The following AZIN2 variants were observed in gnomAD, a reference collection of about 807,000 sequenced individuals.
AZIN2 encodes ODC antizyme inhibitor-2.
A neutral mutation model predicts 47.8 loss-of-function variants in AZIN2; 28 were observed. The ratio of observed to expected loss-of-function variants is 0.59; its 90% CI spans 0.43 to 0.80. AZIN2 has a LOEUF of 0.80. AZIN2 is among the 30% of genes least tolerant of loss of function. The pLI, the probability that AZIN2 is intolerant of heterozygous loss-of-function variation, is 0.00. For synonymous variants in AZIN2, 221 were observed against 239.4 expected, an observed-to-expected ratio of 0.92 and a Z score of 0.71; for missense variants, 535 against 582.5, an observed-to-expected ratio of 0.92 and a Z score of 0.84.
At chr1:33,115,490 G>T (rs1272152551) in intron 10 of AZIN2, among the ~76,000 whole-genome samples, 1 of 151,374 alleles carries the variant, frequency 6.6e-6, no homozygotes, top group Admixed American at 6.6e-5. Context: ...GATCACCTGA[G>T]GTCAGGAGTT....
the AZIN2 span, chr1:33,158,473 T>A: frequency 1.2e-6 from 1 of 841,092 alleles, no homozygotes; most frequent in South Asian, 1.5e-5. Flanking sequence ...GATGTGGTCA[T>A]GAGTGAGAAG....
chr1:33,127,625 C>A (rs774008439), downstream of AZIN2, among the ~76,000 whole-genome samples: 6 of 152,230 alleles, frequency 3.9e-5, no homozygotes, highest in Non-Finnish European at 7.3e-5. Context: ...GCATCAGCTA[C>A]TTTCGCTTCT....
chr1:33,096,026 C>T (rs531296606), intron 8 of AZIN2, among the ~76,000 whole-genome samples: 33 of 152,124 alleles, frequency 2.2e-4, no homozygotes, highest in African/African-American at 7.0e-4. Context: ...TTAGTAGAGA[C>T]GGGGTTTCAC....
chr1:33,148,194 A>G, the AZIN2 span, among the ~76,000 whole-genome samples: 3 of 152,202 alleles, frequency 2.0e-5, no homozygotes, highest in Non-Finnish European at 2.9e-5. Flanking sequence ...TGGACAGGAC[A>G]GTTCTGCAAA....
At chr1:33,129,047 G>A in the AZIN2 span, among the ~76,000 whole-genome samples, 13 of 152,126 alleles carry the variant, frequency 8.5e-5, no homozygotes, top group African/African-American at 3.1e-4. This position sits in a 1 kb window ranked among gnomAD's most constrained non-coding sequence, Gnocchi z 4.1. Flanking sequence ...AAAAGTCTGG[G>A]GAAGTTGAGG....
At chr1:33,123,968 C>G (rs1042821506), downstream of AZIN2, among the ~76,000 whole-genome samples, 1 of 151,922 alleles carries the variant, frequency 6.6e-6, no homozygotes, top group Non-Finnish European at 1.5e-5. Flanking sequence ...TACACTCCAG[C>G]CCGGATGACA....
At chr1:33,159,868 T>C in the AZIN2 span, 7 of 1,612,714 alleles carry the variant, frequency 4.3e-6, no homozygotes, top group Non-Finnish European at 8.5e-7. The surrounding 1 kb of genome is among the most constrained non-coding windows in gnomAD (Gnocchi z 4.2). Flanking sequence ...TAGCATGGCC[T>C]TCTGGCGTTC....
chr1:33,129,875 T>C, the AZIN2 span, among the ~76,000 whole-genome samples: 1 of 152,180 alleles, frequency 6.6e-6, no homozygotes, highest in South Asian at 2.1e-4. The surrounding 1 kb of genome is among the most constrained non-coding windows in gnomAD (Gnocchi z 4.1). Context: ...TTTATTTATT[T>C]TGAGACGGAG....
At chr1:33,108,118 A>G (rs866262796) in intron 10 of AZIN2, among the ~76,000 whole-genome samples, 1 of 152,210 alleles carries the variant, frequency 6.6e-6, no homozygotes, top group Non-Finnish European at 1.5e-5. Context: ...TGGTACTGGC[A>G]TAAAAACGAA....
chr1:33,125,733 C>CCCTTT (rs59708630), downstream of AZIN2, among the ~76,000 whole-genome samples: 6,832 of 151,982 alleles, frequency 0.045, 374 homozygotes, highest in African/African-American at 0.13. Context: ...TCATCACACG[C>CCCTTT]CCTTTCCTTT....
At chr1:33,159,962 C>T in the AZIN2 span, 12 of 1,595,574 alleles carry the variant, frequency 7.5e-6, no homozygotes, top group South Asian at 1.3e-4. This position sits in a 1 kb window ranked among gnomAD's most constrained non-coding sequence, Gnocchi z 4.2. Flanking sequence ...GGACAGTCGT[C>T]AGGGGTTATG....
intron 7 of AZIN2, 51 bp from the exon 8 acceptor site, chr1:33,094,497 G>A (rs770116111): frequency 6.4e-7 from 1 of 1,567,390 alleles, no homozygotes; most frequent in South Asian, 1.1e-5. Flanking sequence ...GGGCTCAGGT[G>A]GTGGCACTTG....
the AZIN2 span, among the ~76,000 whole-genome samples, chr1:33,154,021 A>G: frequency 6.6e-6 from 1 of 152,216 alleles, no homozygotes. Context: ...AAGGTTTTAT[A>G]AACTAAGATG....
At chr1:33,094,061 A>G (rs1642876118) in intron 7 of AZIN2, among the ~76,000 whole-genome samples, 2 of 152,068 alleles carry the variant, frequency 1.3e-5, no homozygotes, top group Admixed American at 1.3e-4. Context: ...AGGGATATGG[A>G]AGGAGTAATA....
intron 10 of AZIN2, among the ~76,000 whole-genome samples, chr1:33,111,063 G>A (rs1644264409): frequency 6.6e-6 from 1 of 152,224 alleles, no homozygotes; most frequent in East Asian, 1.9e-4. Flanking sequence ...AACAATCCAT[G>A]CAGCACAGAA....
the AZIN2 span, among the ~76,000 whole-genome samples, chr1:33,145,212 G>T: frequency 0.021 from 3,171 of 152,304 alleles, 92 homozygotes; most frequent in African/African-American, 0.072. Flanking sequence ...GCACTTGCCA[G>T]CATGGGATAT....
At chr1:33,117,653 T>C (rs1031387061) in intron 10 of AZIN2, among the ~76,000 whole-genome samples, 12 of 152,206 alleles carry the variant, frequency 7.9e-5, no homozygotes, top group Non-Finnish European at 1.8e-4. Flanking sequence ...ATGGAGAGAT[T>C]AAGCATTTTG....
At chr1:33,117,541 C>T (rs1235407941) in intron 10 of AZIN2, among the ~76,000 whole-genome samples, 1 of 152,262 alleles carries the variant, frequency 6.6e-6, no homozygotes, top group African/African-American at 2.4e-5. Context: ...TGTGCCGCCA[C>T]TGTTCTACAT....
chr1:33,160,531 A>T, the AZIN2 span, among the ~76,000 whole-genome samples: 3 of 151,948 alleles, frequency 2.0e-5, no homozygotes, highest in Admixed American at 6.5e-5. Context: ...CAGCCTCCCT[A>T]GTAGCTGGGA....
Sources: gnomAD v4.1 joint callset for allele counts (sites outside exome capture counted in the v4.1 genomes callset) on GRCh38, gnomAD v4.1.1 for gene constraint, Gnocchi (gnomAD v3.1) non-coding constraint, MANE v1.5 for transcripts, NCBI Gene and HGNC (gene_info 2026-07-23, HGNC 2026-07-21) for gene names.